The following SLC6A5 variants were observed in gnomAD, a reference collection of about 807,000 sequenced individuals.
SLC6A5 encodes the protein solute carrier family 6 member 5.
SLC6A5 carries 58 observed loss-of-function variants against 90.5 expected under a neutral mutation model. The observed-to-expected ratio is 0.64, with a 90% confidence interval of 0.52 to 0.80. The LOEUF (loss-of-function observed/expected upper bound fraction) is 0.80. Ranked by LOEUF, SLC6A5 falls within the 30% of genes least tolerant of loss-of-function variation. SLC6A5 has a pLI of 0.00. For synonymous variants in SLC6A5, 427 were observed against 401.4 expected (o/e 1.06, Z -0.76); for missense variants, 1,015 against 1,017.6 (o/e 1.00, Z 0.03).
chr11:20,604,200 G>A (rs1278910014), intron 2 of SLC6A5, 86 bp from the exon 3 acceptor site: 16 of 1,494,656 alleles, frequency 1.1e-5, no homozygotes, highest in Non-Finnish European at 1.4e-5. Context: ...TTGCTGGGAA[G>A]GACCCCTAGC....
At chr11:20,645,845 C>G (rs182460576) in intron 13 of SLC6A5, among the ~76,000 whole-genome samples, 1 of 152,044 alleles carries the variant, frequency 6.6e-6, no homozygotes, top group East Asian at 1.9e-4. Context: ...CCGTGTTAGA[C>G]GGGATGTTCT....
Position 20,630,774 on chromosome 11 carries a change from C to T in SLC6A5, c.1583C>T (p.Ala528Val). Residue 528 changes from alanine (A) to valine (V), a missense_variant, in exon 10 of 16, where the codon GCC (alanine) becomes GTC (valine). Physicochemically the swap from Ala to Val is moderately conservative, Grantham distance 64. This residue lies in a region of SLC6A5 where 442 missense variants were observed against 494.3 expected (regional missense o/e 0.89). Transcript: ENST00000525748. Reference sequence around the variant, plus strand: ...ATCTTCTCCGTTATCGGCTTCATGGCCAATGAACGCAAAGTCAACATTGAG... The same window carrying T: ...ATCTTCTCCGTTATCGGCTTCATGGTCAATGAACGCAAAGTCAACATTGAG... ...FVIFSVIGFMANERKVNIENV... is the reference protein window; with the variant it reads ...FVIFSVIGFMVNERKVNIENV... 1 of 1,614,180 alleles carries T rather than the reference C, an allele frequency of 6.2e-7. No individual in the cohort carries two copies. The highest frequency in any genetic ancestry group is 8.5e-7 in the Non-Finnish European group (1 of 1,180,008).
At chr11:20,603,252 G>T (rs7115052) in intron 2 of SLC6A5, among the ~76,000 whole-genome samples, 1 of 152,162 alleles carries the variant, frequency 6.6e-6, no homozygotes, top group Admixed American at 6.5e-5. Context: ...TGGCCTGAGT[G>T]CCTGGAAAGC....
chr11:20,634,047 T>C (rs764113429), intron 10 of SLC6A5, among the ~76,000 whole-genome samples: 7 of 152,178 alleles, frequency 4.6e-5, no homozygotes, highest in Non-Finnish European at 8.8e-5. Context: ...AATTTTTGTA[T>C]TTTTAGTAGA....
At chr11:20,602,758 T>G (rs1852504120) in intron 2 of SLC6A5, among the ~76,000 whole-genome samples, 1 of 152,190 alleles carries the variant, frequency 6.6e-6, no homozygotes, top group African/African-American at 2.4e-5. Flanking sequence ...GCTTGTGGTG[T>G]CAGAACTAGA....
chr11:20,641,537 G>A (rs531265289), intron 13 of SLC6A5, among the ~76,000 whole-genome samples: 1 of 152,186 alleles, frequency 6.6e-6, no homozygotes, highest in East Asian at 1.9e-4. Flanking sequence ...CTGTACCCCT[G>A]AAATCTGCAA....
At chr11:20,645,164 G>A (rs1480252685) in intron 13 of SLC6A5, among the ~76,000 whole-genome samples, 1 of 152,076 alleles carries the variant, frequency 6.6e-6, no homozygotes, top group African/African-American at 2.4e-5. Context: ...TTCTGCAGAA[G>A]GAAAACTCCA....
intron 15 of SLC6A5, among the ~76,000 whole-genome samples, chr11:20,652,824 CCT>C (rs926105541): frequency 6.6e-6 from 1 of 152,168 alleles, no homozygotes; most frequent in Non-Finnish European, 1.5e-5. Flanking sequence ...CCCTGATGCT[CCT>C]CTCTGTCTAA....
At chr11:20,623,198 G>A (rs186438219) in intron 7 of SLC6A5, among the ~76,000 whole-genome samples, 1 of 152,302 alleles carries the variant, frequency 6.6e-6, no homozygotes, top group African/African-American at 2.4e-5. Context: ...TCACAGTGGA[G>A]AGAAAAGGAG....
intron 7 of SLC6A5, among the ~76,000 whole-genome samples, chr11:20,622,911 C>T (rs905929580): frequency 2.0e-5 from 3 of 152,186 alleles, no homozygotes; most frequent in Non-Finnish European, 2.9e-5. Context: ...CAGGGCCTGC[C>T]CTTGTAGTAT....
At chr11:20,618,342 C>G (rs1006307062) in intron 7 of SLC6A5, among the ~76,000 whole-genome samples, 1 of 152,230 alleles carries the variant, frequency 6.6e-6, no homozygotes, top group African/African-American at 2.4e-5. Context: ...CCTCTCCTCA[C>G]TCCCGGCCAC....
intron 9 of SLC6A5, among the ~76,000 whole-genome samples, chr11:20,628,691 T>A (rs1853050139): frequency 6.6e-6 from 1 of 152,198 alleles, no homozygotes; most frequent in South Asian, 2.1e-4. Context: ...TTAAACTTCA[T>A]TAGTCACAAC....
chr11:20,624,339 G>A (rs1414338930), intron 7 of SLC6A5, among the ~76,000 whole-genome samples: 1 of 151,920 alleles, frequency 6.6e-6, no homozygotes, highest in African/African-American at 2.4e-5. Flanking sequence ...TTTTTGTGGA[G>A]ATGGGGTTTC....
At chr11:20,606,010 A>G (rs929462417) in intron 3 of SLC6A5, among the ~76,000 whole-genome samples, 1 of 152,216 alleles carries the variant, frequency 6.6e-6, no homozygotes, top group Non-Finnish European at 1.5e-5. Flanking sequence ...TAGACTGGAG[A>G]AAGATCAGTT....
At position 20,614,712 on chromosome 11, in the gene SLC6A5, A is replaced by C; in HGVS notation, c.1019A>C (p.Gln340Pro). The C allele has an allele frequency of 6.2e-7, 1 of 1,613,992 alleles. No individual in the cohort carries two copies. Among genetic ancestry groups the C allele is most frequent in the South Asian group, 1.1e-5 (1 of 91,084 alleles). ...GTTATCAGTGACCATCCCAAAATACAGATCAAGAACTCGACTTTCTGCATG... is the reference window on the plus strand; with the variant it reads ...GTTATCAGTGACCATCCCAAAATACCGATCAAGAACTCGACTTTCTGCATG... ...SCVISDHPKI[Q>P]IKNSTFCMTA... Residue 340 changes from glutamine to proline, a missense_variant, in exon 6 of 16, where the codon CAG (glutamine) becomes CCG (proline). Around this residue, in one of 3 missense-constraint regions of SLC6A5, gnomAD observed 567 missense variants for 507.3 expected, o/e 1.12. Transcript: ENST00000525748.
chr11:20,647,260 T>C (rs1853434733), intron 14 of SLC6A5, among the ~76,000 whole-genome samples: 1 of 136,596 alleles, frequency 7.3e-6, no homozygotes. Flanking sequence ...TCAGTTCCTA[T>C]ATATATAATA....
At chr11:20,650,930 T>C (rs988705467) in intron 14 of SLC6A5, among the ~76,000 whole-genome samples, 1 of 151,984 alleles carries the variant, frequency 6.6e-6, no homozygotes, top group East Asian at 1.9e-4. Context: ...CCTCCCAAAG[T>C]GCTGGGATTA....
At chr11:20,646,617 A>G (rs572361570) in intron 13 of SLC6A5, among the ~76,000 whole-genome samples, 2 of 152,282 alleles carry the variant, frequency 1.3e-5, no homozygotes, top group South Asian at 4.1e-4. Flanking sequence ...ACCACAGAGC[A>G]TATTTAATAT....
intron 10 of SLC6A5, among the ~76,000 whole-genome samples, chr11:20,633,769 A>G (rs1027847058): frequency 1.3e-5 from 2 of 152,220 alleles, no homozygotes; most frequent in African/African-American, 4.8e-5. Flanking sequence ...CTATAAAGGT[A>G]GGTACTATTA....
Sources: gnomAD v4.1 joint callset for allele counts (sites outside exome capture counted in the v4.1 genomes callset) on GRCh38, gnomAD v4.1.1 for gene constraint, gnomAD v4.1.1 regional missense constraint, MANE v1.5 for transcripts, NCBI Gene and HGNC (gene_info 2026-07-23, HGNC 2026-07-21) for gene names.